IMMP2L: variants seen among roughly 807,000 people sequenced by gnomAD.
IMMP2L encodes mitochondrial inner membrane protease subunit 2.
Under a neutral mutation model 19.3 loss-of-function variants are expected in IMMP2L, and 18 were observed. The ratio of observed to expected loss-of-function variants is 0.93; its 90% confidence interval spans 0.64 to 1.38. The LOEUF is 1.38. Ranked by LOEUF, IMMP2L falls within the 40% of genes most tolerant of loss-of-function variation. IMMP2L has a pLI of 0.00. For synonymous variants in IMMP2L, 76 were observed against 73.0 expected, an observed-to-expected ratio of 1.04 and a Z score of -0.21; for missense variants, 233 against 218.2, an observed-to-expected ratio of 1.07 and a Z score of -0.43.
At chr7:111,116,716 A>C (rs922076325) in intron 3 of IMMP2L, among the ~76,000 whole-genome samples, 1 of 152,122 alleles carries the variant, frequency 6.6e-6, no homozygotes, top group Non-Finnish European at 1.5e-5. Flanking sequence ...CTTCCACAAT[A>C]CTCAACTGCC....
At chr7:111,027,037 C>G (rs576306124) in intron 3 of IMMP2L, among the ~76,000 whole-genome samples, 1 of 152,242 alleles carries the variant, frequency 6.6e-6, no homozygotes, top group Non-Finnish European at 1.5e-5. Flanking sequence ...TTCTCTCCCA[C>G]TGAAAGACAT....
intron 5 of IMMP2L, among the ~76,000 whole-genome samples, chr7:110,859,032 A>T (rs1363151209): frequency 6.6e-6 from 1 of 152,112 alleles, no homozygotes; most frequent in Non-Finnish European, 1.5e-5. Context: ...GTTTGTAGAT[A>T]ACCCCAAACA....
chr7:110,831,703 T>C (rs532917137), intron 5 of IMMP2L, among the ~76,000 whole-genome samples: 53 of 152,280 alleles, frequency 3.5e-4, no homozygotes, highest in African/African-American at 1.3e-3. Context: ...AAAATAACCA[T>C]GCACTAAAAG....
intron 3 of IMMP2L, among the ~76,000 whole-genome samples, chr7:111,336,604 A>G (rs571962889): frequency 1.5e-4 from 23 of 152,124 alleles, no homozygotes; most frequent in South Asian, 1.0e-3. Flanking sequence ...ACATTTTTCA[A>G]TTCCACAGTT....
chr7:110,793,432 C>A (rs1321190211), intron 5 of IMMP2L, among the ~76,000 whole-genome samples: 4 of 151,516 alleles, frequency 2.6e-5, no homozygotes, highest in African/African-American at 9.7e-5. Context: ...AACAAACAAA[C>A]AAACAAACAA....
At chr7:111,350,720 T>C (rs1020705176) in intron 3 of IMMP2L, among the ~76,000 whole-genome samples, 1 of 152,126 alleles carries the variant, frequency 6.6e-6, no homozygotes, top group African/African-American at 2.4e-5. Flanking sequence ...AAAGAGACTC[T>C]AACACCTCTT....
At chr7:110,817,533 C>T (rs1195318728) in intron 5 of IMMP2L, among the ~76,000 whole-genome samples, 1 of 152,080 alleles carries the variant, frequency 6.6e-6, no homozygotes, top group Non-Finnish European at 1.5e-5. Context: ...AATGGCCATA[C>T]TGCCCAAGGT....
At chr7:111,060,097 C>G (rs1042506440) in intron 3 of IMMP2L, among the ~76,000 whole-genome samples, 1 of 152,114 alleles carries the variant, frequency 6.6e-6, no homozygotes, top group Non-Finnish European at 1.5e-5. Flanking sequence ...TTTTTGTAAG[C>G]AGCAGTGTAA....
intron 5 of IMMP2L, among the ~76,000 whole-genome samples, chr7:110,775,956 C>T (rs1470796895): frequency 7.0e-6 from 1 of 142,628 alleles, no homozygotes; most frequent in Non-Finnish European, 1.5e-5. Flanking sequence ...AAGCAAAATA[C>T]ACACATGTAA....
At chr7:111,085,674 A>G (rs1277235592) in intron 3 of IMMP2L, among the ~76,000 whole-genome samples, 2 of 152,190 alleles carry the variant, frequency 1.3e-5, no homozygotes, top group African/African-American at 2.4e-5. Flanking sequence ...TTTTATAAAG[A>G]CACATGCACA....
At position 110,773,972 on chromosome 7, in the gene IMMP2L, T is replaced by G. The variant is rs539450740; in HGVS notation, c.409-110251A>C. ...GAAGGTAGTATTGGAAACAGACATA[T>G]TTTCTTTCTGTATCTCTAGAAATCA... On this transcript the variant is annotated intron_variant, in intron 5 of 5. Coordinates refer to ENST00000405709, the MANE Select transcript of IMMP2L (RefSeq NM_032549.4). Among the ~76,000 whole-genome samples the G allele has an allele frequency of 6.6e-5, 10 of 152,124 alleles. 1 individual carries two copies. In the East Asian group the frequency reaches 1.9e-3, roughly 29 times the overall value.
chr7:111,446,346 A>G (rs112728169), intron 3 of IMMP2L, among the ~76,000 whole-genome samples: 19,896 of 115,722 alleles, frequency 0.17, 2,060 homozygotes, highest in African/African-American at 0.29. Context: ...CTCCCAGCAC[A>G]CAGCTGGAGA....
chr7:111,102,547 A>T (rs556965810), intron 3 of IMMP2L, among the ~76,000 whole-genome samples: 1 of 151,658 alleles, frequency 6.6e-6, no homozygotes, highest in East Asian at 1.9e-4. Context: ...TTTTTGCCCT[A>T]AAGTGATTTT....
chr7:110,998,542 C>T (rs748097644), intron 3 of IMMP2L, among the ~76,000 whole-genome samples: 31 of 152,264 alleles, frequency 2.0e-4, no homozygotes, highest in Middle Eastern at 3.4e-3. Flanking sequence ...TCAAAGTTTG[C>T]TAAGTTGGCA....
chr7:111,465,913 T>G (rs1482288582), intron 3 of IMMP2L, among the ~76,000 whole-genome samples: 1 of 152,192 alleles, frequency 6.6e-6, no homozygotes, highest in South Asian at 2.1e-4. Context: ...TAGCAAAGAC[T>G]TGGAACCAGG....
chr7:111,410,785 G>A (rs1247744645), intron 3 of IMMP2L, among the ~76,000 whole-genome samples: 1 of 151,554 alleles, frequency 6.6e-6, no homozygotes, highest in African/African-American at 2.4e-5. Flanking sequence ...AAATGTTGCA[G>A]ATAAGACACT....
intron 3 of IMMP2L, among the ~76,000 whole-genome samples, chr7:111,214,392 G>C (rs1297613735): frequency 1.5e-5 from 2 of 135,168 alleles, no homozygotes; most frequent in African/African-American, 2.9e-5. Flanking sequence ...ACCCAGGCTG[G>C]AGTGCAGTGG....
At chr7:111,256,505 T>C (rs1393016496) in intron 3 of IMMP2L, among the ~76,000 whole-genome samples, 5 of 152,064 alleles carry the variant, frequency 3.3e-5, no homozygotes, top group African/African-American at 1.2e-4. Flanking sequence ...AAATATCTCA[T>C]TGAAGAAGGA....
intron 3 of IMMP2L, among the ~76,000 whole-genome samples, chr7:111,316,484 T>C (rs1386310433): frequency 2.0e-5 from 3 of 152,066 alleles, no homozygotes; most frequent in Non-Finnish European, 2.9e-5. Flanking sequence ...AAAGAAAAAT[T>C]ATTTAGCCAT....
Sources: allele counts gnomAD v4.1 joint callset (sites outside exome capture counted in the v4.1 genomes callset), GRCh38; gene constraint gnomAD v4.1.1; transcripts MANE v1.5; gene names NCBI Gene and HGNC (gene_info 2026-07-23, HGNC 2026-07-21).